ATRX: variants seen among roughly 807,000 people sequenced by gnomAD.
The protein encoded by ATRX is chromatin remodeler ATRX.
In ATRX, 12 loss-of-function variants were observed where a neutral mutation model predicts 172.6. The ratio of observed to expected loss-of-function variants is 0.07; its 90% CI spans 0.04 to 0.11. ATRX has a LOEUF of 0.11. Ranked by LOEUF, ATRX falls within the 10% of genes least tolerant of loss-of-function variation. The probability of loss-of-function intolerance (pLI) is 1.00; values close to 1 mark genes in which losing one functional copy is unlikely to be tolerated. For missense variants in ATRX, 1,368 were observed against 1,767.4 expected (o/e 0.77, Z 4.05); for synonymous variants, 674 against 594.7 (o/e 1.13, Z -1.94).
chrX:77,590,560 G>A (rs1343506871), intron 26 of ATRX, among the ~76,000 whole-genome samples: 1 of 104,097 alleles, frequency 9.6e-6, no homozygotes, highest in African/African-American at 3.5e-5. Flanking sequence ...TGCAGTGAGT[G>A]GAGATCGCAC....
At chrX:77,716,301 TAAA>T (rs35192332) in intron 2 of ATRX, among the ~76,000 whole-genome samples, 34 of 37,838 alleles carry the variant, frequency 9.0e-4, no homozygotes, top group East Asian at 2.5e-3. Context: ...CTCGTCTCTT[TAAA>T]AAAAAAAAAA....
chrX:77,713,444 T>A (rs1269051418), intron 2 of ATRX, among the ~76,000 whole-genome samples: 4 of 111,111 alleles, frequency 3.6e-5, no homozygotes, highest in Non-Finnish European at 7.5e-5. Context: ...AATAACTGAT[T>A]GTAGGGCTGG....
intron 30 of ATRX, among the ~76,000 whole-genome samples, chrX:77,545,745 A>T (rs782628199): frequency 8.9e-6 from 1 of 112,126 alleles, no homozygotes; most frequent in South Asian, 3.8e-4. Flanking sequence ...AAAGGATGAT[A>T]TTTTTGAAGA....
chrX:77,560,479 T>C (rs1416886381), intron 28 of ATRX, among the ~76,000 whole-genome samples: 1 of 111,225 alleles, frequency 9.0e-6, no homozygotes, highest in East Asian at 2.8e-4. Flanking sequence ...CATTGGATGA[T>C]TGTACAGTAA....
At chrX:77,597,596 CA>C (rs1234152766) in intron 25 of ATRX, among the ~76,000 whole-genome samples, 1 of 110,882 alleles carries the variant, frequency 9.0e-6, no homozygotes, top group Non-Finnish European at 1.9e-5. Flanking sequence ...CTTAATTCAA[CA>C]GCAAAAAAAC....
rs1386027006 is a variant in ATRX, at chrX:77,725,297, G to A, written c.21-8054C>T. On this transcript the variant is annotated intron_variant, in intron 1 of 34. Transcript: ENST00000373344. ...AGATATAGAACAATGGAACAAAACA[G>A]AGCCCTCAGAAATAATACCACACAT... 2.7e-5 allele frequency among the ~76,000 whole-genome samples: 3 copies of A among 111,563 alleles called. No individual in the cohort carries two copies. The East Asian group carries it at 8.4e-4, about 31-fold the overall frequency.
intron 1 of ATRX, among the ~76,000 whole-genome samples, chrX:77,769,970 G>A (rs2076101703): frequency 9.0e-6 from 1 of 110,505 alleles, no homozygotes; most frequent in South Asian, 3.9e-4. Context: ...GGTGGAACAC[G>A]CTACTGAGGA....
intron 7 of ATRX, among the ~76,000 whole-genome samples, chrX:77,685,274 T>C (rs2071487412): frequency 9.0e-6 from 1 of 111,535 alleles, no homozygotes; most frequent in African/African-American, 3.3e-5. Flanking sequence ...GGAGAACATT[T>C]TGCAAAGTGC....
At chrX:77,685,837 C>T (rs2071522263) in intron 7 of ATRX, among the ~76,000 whole-genome samples, 1 of 111,901 alleles carries the variant, frequency 8.9e-6, no homozygotes, top group Non-Finnish European at 1.9e-5. Context: ...GGTACATATA[C>T]ACAATGGAGT....
chrX:77,563,171 C>T (rs1213358873), intron 28 of ATRX, among the ~76,000 whole-genome samples: 2 of 112,117 alleles, frequency 1.8e-5, no homozygotes, highest in Non-Finnish European at 3.8e-5. Flanking sequence ...CTCTGACTAA[C>T]CCTAGATGCA....
rs1490510132 is a variant in ATRX, at chrX:77,744,021, G to C, written c.21-26778C>G. 2.3e-4 allele frequency among the ~76,000 whole-genome samples: 26 copies of C among 112,606 alleles called. 1 individual carries two copies. The Admixed American group carries it at 2.4e-3, about 11-fold the overall frequency. On this transcript the variant is annotated intron_variant, in intron 1 of 34. Transcript: ENST00000373344. The stretch of plus-strand genomic sequence containing the variant: ...ACCATTAATGCTATTTATAGCCAAA[G>C]AAATCATACAGAGGCTGGGCACGGT...
intron 15 of ATRX, among the ~76,000 whole-genome samples, chrX:77,644,791 T>A (rs1369650694): frequency 2.7e-5 from 3 of 110,376 alleles, no homozygotes. Flanking sequence ...TCTTATGTAT[T>A]ACGAGAGTCA....
chrX:77,782,382 T>C (rs2076599475), intron 1 of ATRX, among the ~76,000 whole-genome samples: 1 of 112,592 alleles, frequency 8.9e-6, no homozygotes, highest in South Asian at 3.6e-4. Flanking sequence ...TGTCAGCTTT[T>C]CAAGTAATCA....
chrX:77,576,260 G>A (rs1338216186), intron 27 of ATRX, among the ~76,000 whole-genome samples: 1 of 111,156 alleles, frequency 9.0e-6, no homozygotes, highest in Non-Finnish European at 1.9e-5. Context: ...TTTATTGATG[G>A]TAGTAAATTG....
At chrX:77,651,260 C>T (rs2069228435) in intron 15 of ATRX, among the ~76,000 whole-genome samples, 1 of 77,766 alleles carries the variant, frequency 1.3e-5, no homozygotes, top group African/African-American at 4.5e-5. Flanking sequence ...TGAAACAAGA[C>T]TCGTCCTGTG....
At chrX:77,630,848 T>A (rs782522077) in intron 19 of ATRX, among the ~76,000 whole-genome samples, 123 of 111,052 alleles carry the variant, frequency 1.1e-3, no homozygotes, top group African/African-American at 4.0e-3. Context: ...ATGCACTAAA[T>A]GCAAAAGCAA....
chrX:77,607,802 TAA>T (rs1557091646), intron 22 of ATRX, among the ~76,000 whole-genome samples: 1 of 107,362 alleles, frequency 9.3e-6, no homozygotes, highest in African/African-American at 3.4e-5. Flanking sequence ...CCAAAAAATG[TAA>T]AGACATTCCA....
chrX:77,783,338 T>C lies in ATRX; in HGVS notation c.20+2644A>G, dbSNP rs781976593. On this transcript the variant is annotated intron_variant, in intron 1 of 34. Coordinates refer to ENST00000373344, the MANE Select transcript of ATRX (RefSeq NM_000489.6). Reference sequence around the variant, plus strand: ...TTATAAAAGACCTTATCTTTTATAATGCCAGAAGCAAGTCAATCTTATTTC... The same window carrying C: ...TTATAAAAGACCTTATCTTTTATAACGCCAGAAGCAAGTCAATCTTATTTC... 9.8e-5 allele frequency among the ~76,000 whole-genome samples: 11 copies of C among 112,204 alleles called. No homozygotes were observed. In the South Asian group the frequency reaches 2.6e-3, roughly 26 times the overall value.
chrX:77,726,553 C>T (rs1306470772), intron 1 of ATRX, among the ~76,000 whole-genome samples: 106 of 110,112 alleles, frequency 9.6e-4, no homozygotes, highest in Non-Finnish European at 1.6e-3. Flanking sequence ...AGCACACCAA[C>T]ATGGCACATG....
Sources: allele counts gnomAD v4.1 joint callset (sites outside exome capture counted in the v4.1 genomes callset), GRCh38; gene constraint gnomAD v4.1.1; transcripts MANE v1.5; gene names NCBI Gene and HGNC (gene_info 2026-07-23, HGNC 2026-07-21).